Variants in CNTNAP5 observed in about 807,000 individuals in gnomAD.
The protein encoded by CNTNAP5 is contactin-associated protein-like 5.
Under a neutral mutation model 150.2 loss-of-function variants are expected in CNTNAP5, and 72 were observed. The observed-to-expected ratio is 0.48, with a 90% CI of 0.40 to 0.58. The LOEUF is 0.58. CNTNAP5 is among the 20% of genes least tolerant of loss of function. The pLI, the probability that CNTNAP5 is intolerant of heterozygous loss-of-function variation, is 0.00. For synonymous variants in CNTNAP5, 672 were observed against 619.8 expected, an observed-to-expected ratio of 1.08 and a Z score of -1.25; for missense variants, 1,636 against 1,626.2, an observed-to-expected ratio of 1.01 and a Z score of -0.10.
chr2:124,603,860 C>A (rs972698533), intron 11 of CNTNAP5, among the ~76,000 whole-genome samples: 1 of 152,074 alleles, frequency 6.6e-6, no homozygotes, highest in Non-Finnish European at 1.5e-5. Context: ...TAGATAGAAA[C>A]TAATAAATTG....
At chr2:124,835,206 T>C (rs535206044) in intron 19 of CNTNAP5, among the ~76,000 whole-genome samples, 21 of 152,088 alleles carry the variant, frequency 1.4e-4, no homozygotes, top group Non-Finnish European at 2.2e-4. Flanking sequence ...AAACAAATTG[T>C]ATTAGATTAT....
chr2:124,908,764 A>G (rs936122346), intron 22 of CNTNAP5, among the ~76,000 whole-genome samples: 8 of 152,156 alleles, frequency 5.3e-5, no homozygotes, highest in African/African-American at 1.9e-4. Context: ...GTGGAAGACA[A>G]TGATATTAAC....
At chr2:124,269,983 C>G (rs1053251207) in intron 3 of CNTNAP5, among the ~76,000 whole-genome samples, 5 of 152,096 alleles carry the variant, frequency 3.3e-5, no homozygotes, top group Non-Finnish European at 7.4e-5. Flanking sequence ...GAAAGCATAA[C>G]AGTTCTTATA....
At chr2:124,676,420 C>G (rs1234465761) in intron 13 of CNTNAP5, among the ~76,000 whole-genome samples, 1 of 152,194 alleles carries the variant, frequency 6.6e-6, no homozygotes, top group Non-Finnish European at 1.5e-5. Context: ...CCAATTTTTC[C>G]TTTAACAGTT....
chr2:124,458,643 C>T (rs542599301), intron 6 of CNTNAP5, among the ~76,000 whole-genome samples: 6 of 151,890 alleles, frequency 4.0e-5, no homozygotes, highest in African/African-American at 1.2e-4. Context: ...TAACCAAACA[C>T]CACCTGTTCC....
At chr2:124,232,031 T>C (rs1038143828) in intron 2 of CNTNAP5, among the ~76,000 whole-genome samples, 1 of 152,282 alleles carries the variant, frequency 6.6e-6, no homozygotes, top group Non-Finnish European at 1.5e-5. Context: ...GTAAGTCACT[T>C]CCTTTGAAAG....
At chr2:124,392,687 C>CAAAAAAAAA (rs35107442) in intron 3 of CNTNAP5, among the ~76,000 whole-genome samples, 8 of 68,750 alleles carry the variant, frequency 1.2e-4, no homozygotes, top group Admixed American at 5.5e-4. Context: ...TTTTCTTTGC[C>CAAAAAAAAA]AAAAAAAAAA....
intron 1 of CNTNAP5, among the ~76,000 whole-genome samples, chr2:124,145,832 G>GAAAAAAAAGAAAAAAAAAAA (rs1684233809): frequency 2.9e-5 from 1 of 34,220 alleles, no homozygotes; most frequent in Non-Finnish European, 4.8e-5. Flanking sequence ...AAAAAAAGAA[G>GAAAAAAAAGAAAAAAAAAAA]AAAAAAAAAA....
chr2:124,211,210 A>G (rs1686001646), intron 1 of CNTNAP5, among the ~76,000 whole-genome samples: 1 of 152,226 alleles, frequency 6.6e-6, no homozygotes, highest in African/African-American at 2.4e-5. Flanking sequence ...TGTAGTAGAT[A>G]GTCCTGGGAA....
intron 3 of CNTNAP5, among the ~76,000 whole-genome samples, chr2:124,353,203 T>G (rs140260138): frequency 1.2e-4 from 18 of 151,336 alleles, no homozygotes; most frequent in Non-Finnish European, 2.4e-4. Flanking sequence ...CGAGAACTCC[T>G]TGCTCTCAGG....
intron 8 of CNTNAP5, among the ~76,000 whole-genome samples, chr2:124,509,213 G>T (rs1558932719): frequency 6.6e-6 from 1 of 152,192 alleles, no homozygotes; most frequent in Admixed American, 6.6e-5. Context: ...CTTATTTAGG[G>T]ATTTTTGCAT....
At chr2:124,331,684 A>C (rs1573921173) in intron 3 of CNTNAP5, among the ~76,000 whole-genome samples, 1 of 152,100 alleles carries the variant, frequency 6.6e-6, no homozygotes, top group Admixed American at 6.5e-5. Context: ...TAGAATTAAA[A>C]GGCTCAAAAG....
chr2:124,259,861 A>C (rs1371647055), intron 3 of CNTNAP5, among the ~76,000 whole-genome samples: 3 of 152,198 alleles, frequency 2.0e-5, no homozygotes, highest in African/African-American at 7.2e-5. Context: ...TCAATGAAAT[A>C]AAAGAAGATA....
chr2:124,189,129 T>C (rs1008746691), intron 1 of CNTNAP5, among the ~76,000 whole-genome samples: 4 of 152,192 alleles, frequency 2.6e-5, no homozygotes, highest in African/African-American at 9.7e-5. Flanking sequence ...TTAGTTATTT[T>C]TCAGGAGAGA....
chr2:124,752,518 AG>A (rs1398000614), intron 14 of CNTNAP5, among the ~76,000 whole-genome samples: 3 of 152,210 alleles, frequency 2.0e-5, no homozygotes, highest in Non-Finnish European at 4.4e-5. Flanking sequence ...GAACCTCAAA[AG>A]CACATTTCCT....
intron 3 of CNTNAP5, among the ~76,000 whole-genome samples, chr2:124,292,189 T>TC (rs534453575): frequency 6.7e-6 from 1 of 150,066 alleles, no homozygotes; most frequent in East Asian, 1.9e-4. Context: ...TTTATCTCTC[T>TC]TTTTTTTATT....
At chr2:124,791,142 T>A (rs371149529) in intron 18 of CNTNAP5, among the ~76,000 whole-genome samples, 3 of 152,312 alleles carry the variant, frequency 2.0e-5, no homozygotes, top group African/African-American at 7.2e-5. Flanking sequence ...TACAAAGCAA[T>A]GGTTTATTTA....
intron 1 of CNTNAP5, among the ~76,000 whole-genome samples, chr2:124,167,681 CAG>C (rs1684838964): frequency 6.6e-6 from 1 of 152,180 alleles, no homozygotes; most frequent in Admixed American, 6.5e-5. Context: ...ATCTTAAGGA[CAG>C]CTGAGCTGCT....
chr2:124,754,149 A>G (rs979753877), intron 14 of CNTNAP5, among the ~76,000 whole-genome samples: 2 of 152,114 alleles, frequency 1.3e-5, no homozygotes, highest in African/African-American at 4.8e-5. Flanking sequence ...CCCAGGCTCC[A>G]TGCATTAAGG....
Sources: gnomAD v4.1 joint callset for allele counts (sites outside exome capture counted in the v4.1 genomes callset) on GRCh38, gnomAD v4.1.1 for gene constraint, MANE v1.5 for transcripts, NCBI Gene and HGNC (gene_info 2026-07-23, HGNC 2026-07-21) for gene names.